SORCS2: variants seen among roughly 807,000 people sequenced by gnomAD.
The protein encoded by SORCS2 is VPS10 domain-containing receptor SorCS2.
SORCS2 carries 100 observed loss-of-function variants against 141.6 expected under a neutral mutation model. The ratio of observed to expected loss-of-function variants is 0.71; its 90% CI spans 0.60 to 0.83. The LOEUF (loss-of-function observed/expected upper bound fraction) is 0.83. SORCS2 is among the 40% of genes least tolerant of loss of function. The pLI is 0.00. For missense variants in SORCS2, 1,646 were observed against 1,560.2 expected (o/e 1.05, Z -0.93); for synonymous variants, 789 against 676.9 (o/e 1.17, Z -2.57).
At chr4:7,360,374 G>T (rs1721508133) in intron 1 of SORCS2, among the ~76,000 whole-genome samples, 1 of 152,102 alleles carries the variant, frequency 6.6e-6, no homozygotes, top group East Asian at 1.9e-4. Context: ...AAACACTGCT[G>T]TTCCTTCTGG....
intron 4 of SORCS2, 96 bp from the exon 5 acceptor site, chr4:7,654,038 T>A: frequency 8.6e-7 from 1 of 1,169,448 alleles, no homozygotes. Flanking sequence ...TGACTTCTCC[T>A]GGGGGATCTG....
chr4:7,535,816 T>TGG (rs111583077), intron 3 of SORCS2, among the ~76,000 whole-genome samples: 4,455 of 152,230 alleles, frequency 0.029, 211 homozygotes, highest in African/African-American at 0.099. Flanking sequence ...GTGCCAGGCA[T>TGG]GGGGGGCATT....
At chr4:7,463,437 G>A (rs1729429888) in intron 2 of SORCS2, among the ~76,000 whole-genome samples, 1 of 152,098 alleles carries the variant, frequency 6.6e-6, no homozygotes, top group South Asian at 2.1e-4. Flanking sequence ...CGCATAGTAG[G>A]TACTTAGTAA....
chr4:7,691,059 C>T (rs944173903), intron 11 of SORCS2, among the ~76,000 whole-genome samples: 6 of 152,200 alleles, frequency 3.9e-5, no homozygotes, highest in African/African-American at 1.4e-4. Context: ...GGCAGCATCT[C>T]CTGCAGACAC....
intron 2 of SORCS2, among the ~76,000 whole-genome samples, chr4:7,468,183 T>C (rs1389542458): frequency 6.6e-6 from 1 of 152,254 alleles, no homozygotes; most frequent in Admixed American, 6.5e-5. Context: ...TCCCCCTAAG[T>C]ACTGATTACA....
intron 3 of SORCS2, among the ~76,000 whole-genome samples, chr4:7,539,189 C>T (rs1305446862): frequency 1.3e-5 from 2 of 152,184 alleles, no homozygotes; most frequent in African/African-American, 4.8e-5. Context: ...ACACCAAAAG[C>T]CTGTGCTTTG....
chr4:7,613,625 G>T (rs1368135255), intron 3 of SORCS2, among the ~76,000 whole-genome samples: 1 of 152,140 alleles, frequency 6.6e-6, no homozygotes, highest in East Asian at 1.9e-4. Flanking sequence ...GACCCGTGGA[G>T]ACACTGCTTG....
chr4:7,519,672 C>T (rs1733199763), intron 2 of SORCS2, among the ~76,000 whole-genome samples: 1 of 152,242 alleles, frequency 6.6e-6, no homozygotes, highest in Non-Finnish European at 1.5e-5. Flanking sequence ...TTGCTGCTGG[C>T]ATGGAGCAAC....
intron 2 of SORCS2, among the ~76,000 whole-genome samples, chr4:7,413,297 T>TCTC (rs1457172880): frequency 6.6e-6 from 1 of 151,994 alleles, no homozygotes; most frequent in African/African-American, 2.4e-5. Flanking sequence ...TCACTAGTCT[T>TCTC]AAGATGCAAA....
chr4:7,333,109 G>A (rs1719757561), intron 1 of SORCS2, among the ~76,000 whole-genome samples: 1 of 152,204 alleles, frequency 6.6e-6, no homozygotes, highest in Admixed American at 6.5e-5. Context: ...GATGGGACAA[G>A]GCGGTGTGGC....
At chr4:7,418,371 C>G (rs1725828266) in intron 2 of SORCS2, among the ~76,000 whole-genome samples, 1 of 152,052 alleles carries the variant, frequency 6.6e-6, no homozygotes. Flanking sequence ...GCTGGCTGGC[C>G]TGGGGGAAGT....
At chr4:7,323,703 T>G (rs1719052458) in intron 1 of SORCS2, among the ~76,000 whole-genome samples, 1 of 152,118 alleles carries the variant, frequency 6.6e-6, no homozygotes, top group African/African-American at 2.4e-5. Flanking sequence ...CATCTTTCCC[T>G]GTCCCTCCTG....
At chr4:7,463,338 A>T (rs112876431) in intron 2 of SORCS2, among the ~76,000 whole-genome samples, 2 of 152,228 alleles carry the variant, frequency 1.3e-5, no homozygotes, top group African/African-American at 4.8e-5. Context: ...CAGCTGTGTG[A>T]CCTTGGGGAT....
intron 19 of SORCS2, among the ~76,000 whole-genome samples, chr4:7,724,334 T>TAG (rs1560113494): frequency 0.012 from 1,598 of 131,660 alleles, no homozygotes; most frequent in African/African-American, 0.035. Flanking sequence ...GATAGGGTGA[T>TAG]GGTGATGATG....
intron 2 of SORCS2, among the ~76,000 whole-genome samples, chr4:7,518,715 G>A (rs1279602359): frequency 6.6e-6 from 1 of 152,078 alleles, no homozygotes; most frequent in Non-Finnish European, 1.5e-5. Flanking sequence ...AGTGCAAAGC[G>A]ATGGGCAAGT....
At chr4:7,421,144 C>T (rs369476011) in intron 2 of SORCS2, among the ~76,000 whole-genome samples, 7 of 152,278 alleles carry the variant, frequency 4.6e-5, no homozygotes, top group African/African-American at 1.4e-4. Flanking sequence ...CTGCTTGGGT[C>T]CCCAGCACAA....
At chr4:7,713,469 C>G (rs1389955721) in intron 15 of SORCS2, among the ~76,000 whole-genome samples, 1 of 152,098 alleles carries the variant, frequency 6.6e-6, no homozygotes, top group Non-Finnish European at 1.5e-5. Flanking sequence ...GAAGACTTTA[C>G]TCAAGACCAT....
intron 3 of SORCS2, among the ~76,000 whole-genome samples, chr4:7,637,540 C>T (rs1720343959): frequency 1.3e-5 from 2 of 152,196 alleles, no homozygotes; most frequent in African/African-American, 4.8e-5. Context: ...ACGGTGGAGC[C>T]TCAGTGCCCA....
intron 2 of SORCS2, among the ~76,000 whole-genome samples, chr4:7,529,660 G>A (rs1050970062): frequency 3.3e-5 from 5 of 152,128 alleles, no homozygotes; most frequent in African/African-American, 1.2e-4. Flanking sequence ...AGGAAGGGGA[G>A]GCTTCCCCTG....
Sources: gnomAD v4.1 joint callset for allele counts (sites outside exome capture counted in the v4.1 genomes callset) on GRCh38, gnomAD v4.1.1 for gene constraint, MANE v1.5 for transcripts, NCBI Gene and HGNC (gene_info 2026-07-23, HGNC 2026-07-21) for gene names.